Variants in ST8SIA1 observed in about 807,000 individuals in gnomAD.
ST8SIA1 encodes ST8 alpha-N-acetyl-neuraminide alpha-2,8-sialyltransferase 1, also known as alpha-N-acetylneuraminide alpha-2,8-sialyltransferase.
Under a neutral mutation model 35.9 loss-of-function variants are expected in ST8SIA1, and 16 were observed. The observed-to-expected ratio is 0.45, with a 90% CI of 0.30 to 0.68. The LOEUF (loss-of-function observed/expected upper bound fraction) is 0.68. Among genes scored for constraint, ST8SIA1 ranks in the 30% least tolerant of loss-of-function variants. The pLI is 0.09. For synonymous variants in ST8SIA1, 170 were observed against 169.6 expected (o/e 1.00, Z -0.02); for missense variants, 383 against 453.6 (o/e 0.84, Z 1.41).
intron 1 of ST8SIA1, among the ~76,000 whole-genome samples, chr12:22,321,472 C>CAAA (rs1254707613): frequency 6.6e-6 from 1 of 152,204 alleles, no homozygotes; most frequent in Admixed American, 6.5e-5. Flanking sequence ...GAGTGGGCTC[C>CAAA]ACCTCAGCGA....
Position 22,215,815 on chromosome 12 carries a change from G to A in ST8SIA1, c.585-13777C>T, listed in dbSNP as rs111582471. On this transcript the variant is annotated intron_variant, in intron 4 of 4. Coordinates refer to ENST00000396037, the MANE Select transcript of ST8SIA1 (RefSeq NM_003034.4). Reference sequence around the variant, plus strand: ...TTTACCTTTCCATCTATCTATTACAGTGTTACAGGCTGAGCCACATAAAGT... The same window carrying A: ...TTTACCTTTCCATCTATCTATTACAATGTTACAGGCTGAGCCACATAAAGT... Among the ~76,000 whole-genome samples, 511 of 152,216 alleles carry A rather than the reference G, an allele frequency of 3.4e-3. 7 individuals carry two copies. The highest frequency in any genetic ancestry group is 0.012 in the African/African-American group (482 of 41,526).
At chr12:22,244,515 G>T (rs73270009) in intron 4 of ST8SIA1, among the ~76,000 whole-genome samples, 2 of 152,042 alleles carry the variant, frequency 1.3e-5, no homozygotes, top group Non-Finnish European at 2.9e-5. Context: ...TCGGTTCAGT[G>T]GCACAAACAT....
At chr12:22,274,196 A>G (rs2012936) in intron 2 of ST8SIA1, among the ~76,000 whole-genome samples, 37,541 of 152,154 alleles carry the variant, frequency 0.25, 4,817 homozygotes, top group African/African-American at 0.34. Flanking sequence ...GAAGAGATCA[A>G]GCCTTAAGGG....
intron 4 of ST8SIA1, among the ~76,000 whole-genome samples, chr12:22,210,461 C>T (rs1865164594): frequency 6.6e-6 from 1 of 152,006 alleles, no homozygotes; most frequent in South Asian, 2.1e-4. Flanking sequence ...GGTTTTTTCC[C>T]CCACACATCA....
rs550686282 is a variant in ST8SIA1 at position 22,226,143 on chromosome 12, A to C, written c.584+22863T>G. On this transcript the variant is annotated intron_variant, in intron 4 of 4. Transcript: ENST00000396037. Reference sequence around the variant, plus strand: ...ATATAGTACATATTTTATACTCAAAAAATTCAAGAAGAATATTCGAGAAAT... The same window carrying C: ...ATATAGTACATATTTTATACTCAAACAATTCAAGAAGAATATTCGAGAAAT... 1.7e-4 allele frequency among the ~76,000 whole-genome samples: 26 copies of C among 152,332 alleles called. No homozygotes were observed. In the East Asian group the frequency reaches 5.0e-3, roughly 29 times the overall value.
At chr12:22,220,723 T>C (rs960647901) in intron 4 of ST8SIA1, among the ~76,000 whole-genome samples, 1 of 152,208 alleles carries the variant, frequency 6.6e-6, no homozygotes. Context: ...TCAGAGCTAA[T>C]TTTTCCCTCC....
At chr12:22,317,541 A>G (rs1473967447) in intron 1 of ST8SIA1, among the ~76,000 whole-genome samples, 1 of 152,120 alleles carries the variant, frequency 6.6e-6, no homozygotes, top group East Asian at 1.9e-4. Context: ...TCAGTTCCTC[A>G]CTGGCTATCA....
intron 4 of ST8SIA1, among the ~76,000 whole-genome samples, chr12:22,207,689 A>T (rs963777286): frequency 3.9e-5 from 6 of 152,210 alleles, no homozygotes; most frequent in African/African-American, 1.4e-4. Context: ...CCAAGTTCAC[A>T]AGACTACCAA....
chr12:22,237,794 A>C (rs17702788), intron 4 of ST8SIA1, among the ~76,000 whole-genome samples: 31,474 of 151,854 alleles, frequency 0.21, 3,476 homozygotes, highest in Middle Eastern at 0.3. Context: ...AATCATGAAA[A>C]GTCTATTTTA....
rs1865450278 is a variant in ST8SIA1, at chr12:22,234,204, G to A, written c.584+14802C>T. On this transcript the variant is annotated intron_variant, in intron 4 of 4. Transcript: ENST00000396037. Reference sequence around the variant, plus strand: ...GAACCCAGGAGGCAGAGGTTACAGTGAGCTGAGATCGCACCACTGCACTCC... The same window carrying A: ...GAACCCAGGAGGCAGAGGTTACAGTAAGCTGAGATCGCACCACTGCACTCC... Among the ~76,000 whole-genome samples the A allele has an allele frequency of 2.7e-5, 4 of 150,458 alleles. 1 individual carries two copies. Among genetic ancestry groups the A allele is most frequent in the Admixed American group, 2.0e-4 (3 of 15,054 alleles).
At chr12:22,293,436 A>C (rs940922516) in intron 1 of ST8SIA1, among the ~76,000 whole-genome samples, 2 of 152,242 alleles carry the variant, frequency 1.3e-5, no homozygotes, top group African/African-American at 4.8e-5. Flanking sequence ...CTTTCAGCCA[A>C]AATGTGTATC....
intron 1 of ST8SIA1, among the ~76,000 whole-genome samples, chr12:22,289,444 A>AC (rs1365534777): frequency 9.9e-5 from 15 of 152,200 alleles, no homozygotes; most frequent in African/African-American, 3.6e-4. Flanking sequence ...CCTGCTCAGA[A>AC]CCATTTTGAT....
At chr12:22,328,716 A>C (rs1866715033) in intron 1 of ST8SIA1, among the ~76,000 whole-genome samples, 1 of 152,218 alleles carries the variant, frequency 6.6e-6, no homozygotes, top group African/African-American at 2.4e-5. Flanking sequence ...GGAAGGGAAG[A>C]AGGAGTAAGG....
intron 4 of ST8SIA1, among the ~76,000 whole-genome samples, chr12:22,242,585 G>C (rs1395402743): frequency 6.6e-6 from 1 of 152,128 alleles, no homozygotes; most frequent in Non-Finnish European, 1.5e-5. Flanking sequence ...ATCTTTTAAA[G>C]GATATTTGAA....
In ST8SIA1 at chr12:22,238,323, G is replaced by A. The variant is rs1321505064; in HGVS notation, c.584+10683C>T. On this transcript the variant is annotated intron_variant, in intron 4 of 4. Transcript: ENST00000396037. ...TCACGCAATTCCAATTGTTCTCTAT[G>A]GACACTAGCTTTGGGGAAAGCCAGC... Among the ~76,000 whole-genome samples, 3 of 152,178 alleles carry A rather than the reference G, an allele frequency of 2.0e-5. No homozygotes were observed. The East Asian group carries it at 5.8e-4, about 29-fold the overall frequency.
At chr12:22,294,043 T>G (rs1866213558) in intron 1 of ST8SIA1, among the ~76,000 whole-genome samples, 1 of 152,192 alleles carries the variant, frequency 6.6e-6, no homozygotes, top group East Asian at 1.9e-4. Context: ...AGGTATTTTT[T>G]TTTTTAAGGG....
At chr12:22,325,678 G>A (rs887664250) in intron 1 of ST8SIA1, 33 of 605,390 alleles carry the variant, frequency 5.5e-5, no homozygotes, top group African/African-American at 3.7e-4. Context: ...CCTATATACC[G>A]TTTTTTCCTA....
chr12:22,277,170 G>T (rs990367629), intron 2 of ST8SIA1, among the ~76,000 whole-genome samples: 1 of 152,102 alleles, frequency 6.6e-6, no homozygotes, highest in East Asian at 1.9e-4. Flanking sequence ...TCTACTAGCT[G>T]CTCCTTGTCC....
rs774689759 is a variant in ST8SIA1, at chr12:22,201,997, T to C, written c.626A>G (p.Asn209Ser). Residue 209 changes from asparagine to serine, a missense_variant, in exon 5 of 5, where the codon AAC (asparagine) becomes AGC (serine). Coordinates refer to ENST00000396037, the MANE Select transcript of ST8SIA1 (RefSeq NM_003034.4). ...LLWSRKTFVD[N>S]MKIYNHSYIY... is the part of the protein sequence containing the mutation. The stretch of plus-strand genomic sequence containing the variant: ...GTAACTGTGGTTATAAATTTTCATG[T>C]TGTCCACAAATGTCTTTCTGGACCA... 6.2e-7 allele frequency: 1 copy of C among 1,612,928 alleles called. No homozygotes were observed. Among genetic ancestry groups the C allele is most frequent in the Non-Finnish European group, 8.5e-7 (1 of 1,179,652 alleles).
Sources: allele counts gnomAD v4.1 joint callset (sites outside exome capture counted in the v4.1 genomes callset), GRCh38; gene constraint gnomAD v4.1.1; transcripts MANE v1.5; gene names NCBI Gene and HGNC (gene_info 2026-07-23, HGNC 2026-07-21).